Variants in TNS3 observed in about 807,000 individuals in gnomAD.
TNS3 encodes the protein tensin 3, also known as tensin-3.
In TNS3, 45 loss-of-function variants were observed where a neutral mutation model predicts 140.9. That is an observed-to-expected ratio of 0.32 (90% CI 0.25 to 0.41). The LOEUF is 0.41. Among genes scored for constraint, TNS3 ranks in the 10% least tolerant of loss-of-function variants. TNS3 has a pLI of 1.00. For missense variants in TNS3, 1,716 were observed against 1,906.7 expected (o/e 0.90, Z 1.86); for synonymous variants, 815 against 788.4 (o/e 1.03, Z -0.56).
At chr7:47,429,940 A>C (rs1202908570) in intron 8 of TNS3, among the ~76,000 whole-genome samples, 1 of 152,160 alleles carries the variant, frequency 6.6e-6, no homozygotes, top group African/African-American at 2.4e-5. Flanking sequence ...TGGCACGTGC[A>C]ATTATTAATG....
At chr7:47,478,233 C>T (rs1300312639) in intron 4 of TNS3, among the ~76,000 whole-genome samples, 2 of 152,046 alleles carry the variant, frequency 1.3e-5, no homozygotes, top group Non-Finnish European at 2.9e-5. Flanking sequence ...ATCGCAGGGC[C>T]CCAGCAATTC....
At chr7:47,501,023 C>T (rs1798193431) in intron 3 of TNS3, among the ~76,000 whole-genome samples, 1 of 151,868 alleles carries the variant, frequency 6.6e-6, no homozygotes, top group Non-Finnish European at 1.5e-5. Flanking sequence ...AAGAGGTGGA[C>T]GTTGCTGTGA....
Position 47,358,942 on chromosome 7 carries a change from C to T in TNS3, c.2281+9423G>A, listed in dbSNP as rs920862861. On this transcript the variant is annotated intron_variant, in intron 17 of 30. Transcript: ENST00000311160. ...AGAGCTTCTGGGGACAAATGAAACACCCCAGAGACCTGGTGATACCAAATG... is the reference window on the plus strand; with the variant it reads ...AGAGCTTCTGGGGACAAATGAAACATCCCAGAGACCTGGTGATACCAAATG... 3.9e-5 allele frequency among the ~76,000 whole-genome samples: 6 copies of T among 152,166 alleles called. No homozygotes were observed. The South Asian group carries it at 6.2e-4, about 16-fold the overall frequency.
rs542344026 is a variant in TNS3 at position 47,317,442 on chromosome 7, A to G, written c.2651-12439T>C. Among the ~76,000 whole-genome samples the G allele has an allele frequency of 1.6e-4, 24 of 152,364 alleles. No individual in the cohort carries two copies. In the South Asian group the frequency reaches 2.3e-3, roughly 14 times the overall value. On this transcript the variant is annotated intron_variant, in intron 20 of 30. Coordinates refer to ENST00000311160, the MANE Select transcript of TNS3 (RefSeq NM_022748.12). ...TGTCCCATTTATATTCAAGGTTTTG[A>G]TCAGACTGGAAAGAAAACACATTTA...
intron 3 of TNS3, among the ~76,000 whole-genome samples, chr7:47,502,261 G>A (rs1016844693): frequency 1.6e-4 from 25 of 152,162 alleles, no homozygotes; most frequent in Admixed American, 1.3e-3. Flanking sequence ...CAGCAGGCCC[G>A]TATCCCACTG....
chr7:47,441,592 G>A (rs910973529), intron 5 of TNS3, among the ~76,000 whole-genome samples: 55 of 152,124 alleles, frequency 3.6e-4, no homozygotes, highest in African/African-American at 1.3e-3. Context: ...CAAATGTATT[G>A]AACACTGTTA....
At chr7:47,404,840 C>T (rs1793354960) in intron 13 of TNS3, among the ~76,000 whole-genome samples, 1 of 151,996 alleles carries the variant, frequency 6.6e-6, no homozygotes, top group African/African-American at 2.4e-5. Context: ...GCCAAGATTG[C>T]ACCACTGTAC....
intron 2 of TNS3, among the ~76,000 whole-genome samples, chr7:47,511,120 A>T (rs1798592620): frequency 6.6e-6 from 1 of 152,260 alleles, no homozygotes; most frequent in Admixed American, 6.5e-5. Flanking sequence ...AAAACAGCGT[A>T]GGAAAAACTC....
At chr7:47,418,170 C>T (rs547513471) in intron 10 of TNS3, among the ~76,000 whole-genome samples, 3 of 152,286 alleles carry the variant, frequency 2.0e-5, no homozygotes, top group Non-Finnish European at 2.9e-5. Flanking sequence ...GGCATGGTGG[C>T]ATGCGCCTGT....
At chr7:47,434,339 C>G (rs1795073230) in intron 8 of TNS3, among the ~76,000 whole-genome samples, 1 of 150,838 alleles carries the variant, frequency 6.6e-6, no homozygotes, top group Non-Finnish European at 1.5e-5. Flanking sequence ...CTATCTTGAA[C>G]CGTCAACACT....
intron 28 of TNS3, among the ~76,000 whole-genome samples, chr7:47,280,648 T>TTG (rs1785097011): frequency 6.6e-6 from 1 of 152,174 alleles, no homozygotes; most frequent in Non-Finnish European, 1.5e-5. Flanking sequence ...GTGCAGTGGC[T>TTG]CACGCCTGTA....
chr7:47,278,313 T>G, intron 30 of TNS3, 93 bp from the exon 31 acceptor site: 2 of 1,434,372 alleles, frequency 1.4e-6, no homozygotes, highest in South Asian at 2.8e-5. Flanking sequence ...TCAGGAGGAA[T>G]TTTAAGTGGC....
intron 1 of TNS3, among the ~76,000 whole-genome samples, chr7:47,540,117 A>G (rs1417372101): frequency 6.6e-6 from 1 of 152,192 alleles, no homozygotes; most frequent in Non-Finnish European, 1.5e-5. Context: ...TTTACTCGCC[A>G]GGTTGTCTCA....
chr7:47,403,066 C>G (rs896225802), intron 13 of TNS3, among the ~76,000 whole-genome samples: 1 of 152,108 alleles, frequency 6.6e-6, no homozygotes, highest in Non-Finnish European at 1.5e-5. Flanking sequence ...ATAAGGGGCA[C>G]AGTGGAATAT....
At chr7:47,334,270 C>T (rs368050597) in intron 20 of TNS3, among the ~76,000 whole-genome samples, 1 of 152,232 alleles carries the variant, frequency 6.6e-6, no homozygotes. Context: ...GAAGCCAGGC[C>T]CCTAAAATGC....
intron 1 of TNS3, among the ~76,000 whole-genome samples, chr7:47,546,600 C>T (rs1799928189): frequency 6.6e-6 from 1 of 152,056 alleles, no homozygotes; most frequent in Non-Finnish European, 1.5e-5. Context: ...CTAAAGTATA[C>T]TTACAGCATA....
chr7:47,315,213 T>C (rs2150797214), intron 20 of TNS3, among the ~76,000 whole-genome samples: 1 of 152,336 alleles, frequency 6.6e-6, no homozygotes, highest in East Asian at 1.9e-4. Flanking sequence ...TTCCCTTTGC[T>C]GCTCAGACCC....
intron 13 of TNS3, among the ~76,000 whole-genome samples, 184 bp downstream of exon 13, chr7:47,411,543 G>A (rs988914132): frequency 2.0e-5 from 3 of 152,222 alleles, no homozygotes; most frequent in African/African-American, 4.8e-5. Flanking sequence ...GCCACAGACC[G>A]ATAAGGTCCA....
chr7:47,285,160 G>T (rs1009281890), intron 27 of TNS3, among the ~76,000 whole-genome samples: 2 of 152,158 alleles, frequency 1.3e-5, no homozygotes, highest in Non-Finnish European at 2.9e-5. Context: ...GATGTCCCTG[G>T]GTGTCACAGT....
Sources: allele counts gnomAD v4.1 joint callset (sites outside exome capture counted in the v4.1 genomes callset), GRCh38; gene constraint gnomAD v4.1.1; transcripts MANE v1.5; gene names NCBI Gene and HGNC (gene_info 2026-07-23, HGNC 2026-07-21).